Variants in IQCE observed in about 807,000 individuals in gnomAD.
IQCE encodes IQ domain-containing protein E.
A neutral mutation model predicts 96.0 loss-of-function variants in IQCE; 115 were observed. The ratio of observed to expected loss-of-function variants is 1.20; its 90% CI spans 1.03 to 1.40. The LOEUF (loss-of-function observed/expected upper bound fraction) is 1.40, where lower values mean the gene tolerates loss of function less well. Among genes scored for constraint, IQCE ranks in the 40% most tolerant of loss-of-function variants. The pLI is 0.00. For missense variants in IQCE, 1,041 were observed against 909.1 expected (o/e 1.15, Z -1.87); for synonymous variants, 412 against 371.2 (o/e 1.11, Z -1.26).
At chr7:2,564,991 T>C (rs1388167334) in intron 1 of IQCE, among the ~76,000 whole-genome samples, 1 of 152,210 alleles carries the variant, frequency 6.6e-6, no homozygotes, top group East Asian at 1.9e-4. Flanking sequence ...TGACACAGGC[T>C]GATTGAGCTT....
chr7:2,599,833 G>T (rs1199229852), intron 17 of IQCE, among the ~76,000 whole-genome samples: 3 of 149,826 alleles, frequency 2.0e-5, no homozygotes, highest in African/African-American at 7.4e-5. Context: ...CGCTCTTGTG[G>T]CCCAGGCTGG....
In IQCE at chr7:2,586,188, C is replaced by G; in HGVS notation, c.825-20C>G. 6.2e-7 allele frequency: 1 copy of G among 1,607,160 alleles called. No individual in the cohort carries two copies. ...CCAGCTTAGCAATGCAAACCTCAGT[C>G]CACGATTTGGTTGTTCCAGGCCCCT... On this transcript the variant is annotated intron_variant, in intron 11 of 21. Transcript: ENST00000402050.
intron 19 of IQCE, 85 bp from the exon 20 acceptor site, chr7:2,605,791 C>T (rs60038222): frequency 0.035 from 47,703 of 1,351,148 alleles, 2,769 homozygotes; most frequent in East Asian, 0.34. Flanking sequence ...GTCTCCCTGA[C>T]GCCCAGGGTG....
Position 2,613,982 on chromosome 7 carries a change from T to C in IQCE, c.*3820T>C, listed in dbSNP as rs889427149. ...TTTTCTTTGCTCGTTTGTCTGTGTA[T>C]TAAGAAGAGACTAAAATAGCCAAAC... On this transcript the variant is annotated 3_prime_UTR_variant, in exon 22 of 22. Coordinates refer to ENST00000402050, the MANE Select transcript of IQCE (RefSeq NM_152558.5). 2 of 152,226 alleles carry C rather than the reference T, an allele frequency of 1.3e-5. No homozygotes were observed. Among genetic ancestry groups the C allele is most frequent in the Non-Finnish European group, 2.9e-5 (2 of 68,038 alleles). The allele number at this position is 152,226 out of a possible 1,614,324, so 9.4% of individuals were successfully genotyped here.
At chr7:2,609,630 T>C (rs6950588) in intron 21 of IQCE, among the ~76,000 whole-genome samples, 111,203 of 151,324 alleles carry the variant, frequency 0.73, 40,989 homozygotes, top group African/African-American at 0.78. Flanking sequence ...AGTTTGAAGG[T>C]GAGGAGAGTG....
intron 8 of IQCE, among the ~76,000 whole-genome samples, chr7:2,579,944 G>T (rs766710596): frequency 6.6e-6 from 1 of 152,036 alleles, no homozygotes; most frequent in South Asian, 2.1e-4. Flanking sequence ...GGTAAGATGG[G>T]GTCTTGCGAA....
chr7:2,598,362 T>G (rs1562671296), intron 16 of IQCE, 103 bp from the exon 17 acceptor site: 2 of 1,170,804 alleles, frequency 1.7e-6, no homozygotes, highest in East Asian at 5.0e-5. Context: ...ACTCACCTGA[T>G]AAGCGCAGCC....
rs1221642502 is a variant in IQCE, at chr7:2,589,977, T to C, written c.1115T>C (p.Leu372Pro). Residue 372 changes from leucine (L) to proline (P), a missense_variant, in exon 14 of 22, where the codon CTT (leucine) becomes CCT (proline). By Grantham distance (98) the Leu-to-Pro change is moderately conservative. Transcript: ENST00000402050. ...EPVRSHPPAC[L>P]ASSSALHRQP... is the part of the protein sequence containing the mutation. ...GTCAGATCACACCCGCCAGCCTGCC[T>C]TGCATCCAGCTCTGCGCTGCACAGA... 2 of 1,613,960 alleles carry C rather than the reference T, an allele frequency of 1.2e-6. No homozygotes were observed. The highest frequency in any genetic ancestry group is 3.3e-5 in the Admixed American group (2 of 60,020).
Position 2,587,886 on chromosome 7 carries a change from G to GCAGA in IQCE, c.1044+10_1044+11insAGAC. On this transcript the variant is annotated intron_variant, in intron 13 of 21. Coordinates refer to ENST00000402050, the MANE Select transcript of IQCE (RefSeq NM_152558.5). ...TTGTGGAGCTGGAGAAGGTGAGCGG[G>GCAGA]CGTCTCAGTGCCACTGTCGTTGGGG... 8.7e-6 allele frequency: 14 copies of GCAGA among 1,613,706 alleles called. No individual in the cohort carries two copies. Among genetic ancestry groups the GCAGA allele is most frequent in the Non-Finnish European group, 1.2e-5 (14 of 1,179,680 alleles).
chr7:2,608,144 A>T (rs939405133), intron 21 of IQCE, among the ~76,000 whole-genome samples: 2 of 152,240 alleles, frequency 1.3e-5, no homozygotes, highest in African/African-American at 4.8e-5. Context: ...CACATGCCTT[A>T]ATTTGAATGT....
chr7:2,596,815 A>C (rs1784073238), intron 16 of IQCE: 1 of 380,494 alleles, frequency 2.6e-6, no homozygotes, highest in Non-Finnish European at 5.4e-6. Flanking sequence ...GGACTGAGGG[A>C]AGATGAGGCT....
intron 7 of IQCE, 59 bp downstream of exon 7, chr7:2,578,414 C>T (rs1159756680): frequency 4.5e-5 from 72 of 1,605,426 alleles, no homozygotes; most frequent in Non-Finnish European, 5.5e-5. Context: ...CAGCATCTGC[C>T]AGCCAGCCCT....
intron 6 of IQCE, among the ~76,000 whole-genome samples, chr7:2,574,807 T>C (rs1185070285): frequency 6.6e-6 from 1 of 152,226 alleles, no homozygotes; most frequent in Non-Finnish European, 1.5e-5. Context: ...ATCGGGTAGC[T>C]TCACTATTCT....
Position 2,584,281 on chromosome 7 carries a change from A to G in IQCE, c.820A>G (p.Lys274Glu), listed in dbSNP as rs1216427234. 1 of 1,613,938 alleles carries G rather than the reference A, an allele frequency of 6.2e-7. No homozygotes were observed. The change falls in exon 11 of 22, where the codon AAG (lysine) becomes GAG (glutamate). Residue 274 changes from lysine (K) to glutamate (E), a missense_variant. By Grantham distance (56) the Lys-to-Glu change is moderately conservative. Transcript: ENST00000402050. ...CTTGGCAAGTTCTGAAACCACCGGAAAGAAGTATGATGGCCGCTTGCAAGC... is the reference window on the plus strand; with the variant it reads ...CTTGGCAAGTTCTGAAACCACCGGAGAGAAGTATGATGGCCGCTTGCAAGC... ...TLLASSETTGKKPLGEKKTGA... is the reference protein window; with the variant it reads ...TLLASSETTGEKPLGEKKTGA...
In IQCE at chr7:2,610,225, G is replaced by A. The variant is rs1785049314; in HGVS notation, c.*63G>A. On this transcript the variant is annotated 3_prime_UTR_variant, in exon 22 of 22. Transcript: ENST00000402050. ...GCCGAGGACATAGGAACCACGACTG[G>A]AAAGATAATTTATCGTGTTAGGAGA... 2.1e-6 allele frequency: 2 copies of A among 947,986 alleles called. No individual in the cohort carries two copies. Among genetic ancestry groups the A allele is most frequent in the South Asian group, 2.6e-5 (2 of 77,288 alleles). The allele number at this position is 947,986 out of a possible 1,614,324, so 58.7% of individuals were successfully genotyped here. A position where few individuals can be genotyped will look rare whatever the true frequency, so the allele number is the denominator to read the frequency against.
chr7:2,565,464 C>G lies in IQCE; in HGVS notation c.37-1652C>G, dbSNP rs138431615. ...GCATTTTGTTTACTACACATAAAAT[C>G]TCATTCCTTTGTTGAATTTCAGGTC... is the stretch of plus-strand genomic sequence containing the variant. On this transcript the variant is annotated intron_variant, in intron 1 of 21. Coordinates refer to ENST00000402050, the MANE Select transcript of IQCE (RefSeq NM_152558.5). 3.1e-3 allele frequency among the ~76,000 whole-genome samples: 465 copies of G among 152,290 alleles called. 2 individuals carry two copies. The highest frequency in any genetic ancestry group is 0.011 in the African/African-American group (450 of 41,558).
chr7:2,593,784 T>C (rs1037364469), intron 15 of IQCE, among the ~76,000 whole-genome samples: 2 of 152,146 alleles, frequency 1.3e-5, no homozygotes, highest in African/African-American at 4.8e-5. Context: ...CGTTCTGGAA[T>C]TAGAGAGGGG....
intron 16 of IQCE, chr7:2,596,832 A>G (rs2128465013): frequency 2.5e-6 from 1 of 399,430 alleles, no homozygotes; most frequent in South Asian, 1.9e-5. Flanking sequence ...GGCTCTTCTT[A>G]GGGTTACAAA....
chr7:2,603,101 A>G (rs930319021), intron 18 of IQCE, among the ~76,000 whole-genome samples: 39 of 152,066 alleles, frequency 2.6e-4, no homozygotes, highest in African/African-American at 7.5e-4. Flanking sequence ...CACATCTGCA[A>G]TGGCAACTTC....
Sources: allele counts gnomAD v4.1 joint callset (sites outside exome capture counted in the v4.1 genomes callset), GRCh38; gene constraint gnomAD v4.1.1; transcripts MANE v1.5; gene names NCBI Gene and HGNC (gene_info 2026-07-23, HGNC 2026-07-21).